GDNF: variants seen among roughly 807,000 people sequenced by gnomAD.
GDNF encodes the protein glial cell derived neurotrophic factor, also known as glial cell line-derived neurotrophic factor.
Under a neutral mutation model 13.7 loss-of-function variants are expected in GDNF, and 5 were observed. That is an observed-to-expected ratio of 0.36 (90% confidence interval 0.19 to 0.77). GDNF has a LOEUF of 0.77. Among genes scored for constraint, GDNF ranks in the 30% least tolerant of loss-of-function variants. The pLI is 0.51. For synonymous variants in GDNF, 122 were observed against 112.5 expected, an observed-to-expected ratio of 1.08 and a Z score of -0.53; for missense variants, 246 against 274.3, an observed-to-expected ratio of 0.90 and a Z score of 0.73.
At chr5:37,829,407 C>T (rs531567410) in intron 2 of GDNF, among the ~76,000 whole-genome samples, 1 of 152,298 alleles carries the variant, frequency 6.6e-6, no homozygotes, top group East Asian at 1.9e-4. Flanking sequence ...TCACCTAAAC[C>T]CTACACAATA....
In GDNF at chr5:37,814,210, T is replaced by A. The variant is rs911959809; in HGVS notation, c.*1441A>T. The A allele has an allele frequency of 2.0e-5, 3 of 152,464 alleles. No homozygotes were observed. Among genetic ancestry groups the A allele is most frequent in the African/African-American group, 7.2e-5 (3 of 41,444 alleles). 9.4% of individuals were successfully genotyped at this position (152,464 alleles called of 1,614,324 possible). On this transcript the variant is annotated 3_prime_UTR_variant, in exon 3 of 3. Coordinates refer to ENST00000326524, the MANE Select transcript of GDNF (RefSeq NM_000514.4). ...ACATTACTTTTAGGTCAGCATTAAA[T>A]CCAGGACTACCTACTAAAAGGAACT... is the stretch of plus-strand genomic sequence containing the variant.
intron 1 of GDNF, among the ~76,000 whole-genome samples, chr5:37,836,079 C>T (rs556456594): frequency 7.9e-5 from 12 of 152,210 alleles, no homozygotes; most frequent in African/African-American, 2.4e-4. Context: ...TCCCAGGGTT[C>T]GTCTCCAGGG....
chr5:37,815,844 G>T lies in GDNF; in HGVS notation c.443C>A (p.Ser148Tyr). The T allele has an allele frequency of 6.2e-7, 1 of 1,613,660 alleles. No individual in the cohort carries two copies. Among genetic ancestry groups the T allele is most frequent in the Middle Eastern group, 1.6e-4 (1 of 6,062 alleles). Residue 148 changes from serine to tyrosine, a missense_variant, in exon 3 of 3, where the codon TCT becomes TAT. Transcript: ENST00000326524. This position sits in a 1 kb window ranked among gnomAD's most constrained non-coding sequence, Gnocchi z 5.0. The part of the protein sequence containing the change: ...EELIFRYCSG[S>Y]CDAAETTYDK... ...GTACGTTGTCTCAGCTGCATCGCAA[G>T]AGCCGCTGCAGTACCTAAAAATCAG...
intron 2 of GDNF, among the ~76,000 whole-genome samples, chr5:37,829,661 G>C (rs1178023131): frequency 6.6e-6 from 1 of 152,170 alleles, no homozygotes; most frequent in Non-Finnish European, 1.5e-5. Context: ...AATAAACAAA[G>C]ATCAAAGAGA....
intron 2 of GDNF, among the ~76,000 whole-genome samples, chr5:37,834,352 G>C (rs1750622279): frequency 6.6e-6 from 1 of 152,262 alleles, no homozygotes; most frequent in African/African-American, 2.4e-5. Flanking sequence ...GTGTGTTTCT[G>C]AGGTGGTGGT....
intron 2 of GDNF, chr5:37,824,606 T>G (rs1319600249): frequency 6.6e-6 from 1 of 152,248 alleles, no homozygotes; most frequent in Admixed American, 6.5e-5. Flanking sequence ...AAGTGATGAC[T>G]TTGACACTTA....
chr5:37,831,101 A>G (rs1038816559), intron 2 of GDNF, among the ~76,000 whole-genome samples: 2 of 152,258 alleles, frequency 1.3e-5, no homozygotes, highest in African/African-American at 4.8e-5. Flanking sequence ...ACTGCTACCA[A>G]ACTGGTAGAA....
intron 1 of GDNF, among the ~76,000 whole-genome samples, chr5:37,836,688 G>A (rs566064073): frequency 3.3e-5 from 5 of 152,354 alleles, no homozygotes; most frequent in East Asian, 3.9e-4. Flanking sequence ...GCCAGCTCCC[G>A]GGTGCGTGCG....
At chr5:37,826,787 G>C (rs1477359) in intron 2 of GDNF, among the ~76,000 whole-genome samples, 52,842 of 152,104 alleles carry the variant, frequency 0.35, 9,748 homozygotes, top group Middle Eastern at 0.44. Context: ...TGCTCCTGCT[G>C]TGGTTCTCCT....
intron 1 of GDNF, among the ~76,000 whole-genome samples, chr5:37,835,211 C>T (rs45533638): frequency 0.04 from 6,067 of 151,550 alleles, 267 homozygotes; most frequent in African/African-American, 0.11. Context: ...TCCCACCCTT[C>T]GTCCTCCACC....
chr5:37,821,331 A>C (rs1750132096), intron 2 of GDNF, among the ~76,000 whole-genome samples: 2 of 152,192 alleles, frequency 1.3e-5, no homozygotes, highest in Non-Finnish European at 2.9e-5. Flanking sequence ...TTACTGGCGC[A>C]TCTCTGTCTT....
At chr5:37,826,514 G>A (rs548745146) in intron 2 of GDNF, among the ~76,000 whole-genome samples, 29 of 152,350 alleles carry the variant, frequency 1.9e-4, no homozygotes, top group East Asian at 7.7e-4. Flanking sequence ...CCACAGGCCC[G>A]TCTTGGGAGG....
rs1206535357 is a variant in GDNF at position 37,838,027 on chromosome 5, AG to A, written c.-27+1479del. Among the ~76,000 whole-genome samples, 2 of 139,964 alleles carry A rather than the reference AG, an allele frequency of 1.4e-5. No individual in the cohort carries two copies. Among genetic ancestry groups the A allele is most frequent in the African/African-American group, 2.7e-5 (1 of 37,110 alleles). 91.8% of individuals were successfully genotyped at this position (139,964 alleles called of 152,430 possible). A position where few individuals can be genotyped will look rare whatever the true frequency, so the allele number is the denominator to read the frequency against. On this transcript the variant is annotated intron_variant, in intron 1 of 2. Coordinates refer to ENST00000326524, the MANE Select transcript of GDNF (RefSeq NM_000514.4). The surrounding 1 kb of genome is among the most constrained non-coding windows in gnomAD (Gnocchi z 4.1). ...TTTTTTTTTTTTGGCGGGGGGAGGTAGAGACAGAAATTGCTGGAAGATCTAT... is the reference window on the plus strand; with the variant it reads ...TTTTTTTTTTTTGGCGGGGGGAGGTAAGACAGAAATTGCTGGAAGATCTAT...
At position 37,834,810 on chromosome 5, in the gene GDNF, C is replaced by T; in HGVS notation, c.-14G>A. ...CCATAACTTCATCTTAAAGTCCCGT[C>T]CGGCGGCGGCACCTGCGCGGGCAGG... is the stretch of plus-strand genomic sequence containing the variant. On this transcript the variant is annotated 5_prime_UTR_variant, in exon 2 of 3. Coordinates refer to ENST00000326524, the MANE Select transcript of GDNF (RefSeq NM_000514.4). 1 of 1,612,510 alleles carries T rather than the reference C, an allele frequency of 6.2e-7. No individual in the cohort carries two copies. The highest frequency in any genetic ancestry group is 8.5e-7 in the Non-Finnish European group (1 of 1,179,358).
At position 37,837,646 on chromosome 5, in the gene GDNF, C is replaced by T. The variant is rs1750757973; in HGVS notation, c.-27+1861G>A. 6.6e-6 allele frequency among the ~76,000 whole-genome samples: 1 copy of T among 152,224 alleles called. No individual in the cohort carries two copies. Among genetic ancestry groups the T allele is most frequent in the Non-Finnish European group, 1.5e-5 (1 of 68,046 alleles). On this transcript the variant is annotated intron_variant, in intron 1 of 2. Coordinates refer to ENST00000326524, the MANE Select transcript of GDNF (RefSeq NM_000514.4). This position sits in a 1 kb window ranked among gnomAD's most constrained non-coding sequence, Gnocchi z 6.5. ...TCATTTTAGTTATAAAACCGGAGAA[C>T]CACCACTCCCTCTACGAGCCTCCCG...
intron 2 of GDNF, among the ~76,000 whole-genome samples, chr5:37,828,585 G>A (rs1183020553): frequency 6.6e-6 from 1 of 152,194 alleles, no homozygotes; most frequent in Non-Finnish European, 1.5e-5. Flanking sequence ...CACAGTCTGT[G>A]TAAAGTCAAG....
chr5:37,833,985 G>A (rs952247779), intron 2 of GDNF, among the ~76,000 whole-genome samples: 1 of 152,180 alleles, frequency 6.6e-6, no homozygotes, highest in African/African-American at 2.4e-5. Flanking sequence ...TTTCTCAAGA[G>A]TTAGCATTGT....
chr5:37,815,301 C>T lies in GDNF; in HGVS notation c.*350G>A, dbSNP rs371311257. 8 of 362,582 alleles carry T rather than the reference C, an allele frequency of 2.2e-5. No homozygotes were observed. Among genetic ancestry groups the T allele is most frequent in the East Asian group, 6.1e-5 (1 of 16,274 alleles). 22.5% of individuals were successfully genotyped at this position (362,582 alleles called of 1,614,324 possible). On this transcript the variant is annotated 3_prime_UTR_variant, in exon 3 of 3. Coordinates refer to ENST00000326524, the MANE Select transcript of GDNF (RefSeq NM_000514.4). The surrounding 1 kb of genome is among the most constrained non-coding windows in gnomAD (Gnocchi z 5.0). ...GGTTCAAGTGCATCCACCGCAACCGCGCCGGTAATCAGTGATGGTGGACTG... is the reference window on the plus strand; with the variant it reads ...GGTTCAAGTGCATCCACCGCAACCGTGCCGGTAATCAGTGATGGTGGACTG...
At chr5:37,835,342 G>A in intron 1 of GDNF, 1 of 787,374 alleles carries the variant, frequency 1.3e-6, no homozygotes, top group Non-Finnish European at 1.8e-6. Flanking sequence ...CCCTGCCTCG[G>A]GTCCCAACCG....
Sources: gnomAD v4.1 joint callset for allele counts (sites outside exome capture counted in the v4.1 genomes callset) on GRCh38, gnomAD v4.1.1 for gene constraint, Gnocchi (gnomAD v3.1) non-coding constraint, MANE v1.5 for transcripts, NCBI Gene and HGNC (gene_info 2026-07-23, HGNC 2026-07-21) for gene names.